CADPS: variants seen among roughly 807,000 people sequenced by gnomAD.
CADPS encodes calcium dependent secretion activator.
A neutral mutation model predicts 167.3 loss-of-function variants in CADPS; 57 were observed. That is an observed-to-expected ratio of 0.34 (90% CI 0.28 to 0.42). CADPS has a LOEUF of 0.42. Ranked by LOEUF, CADPS falls within the 20% of genes least tolerant of loss-of-function variation. The pLI, the probability that CADPS is intolerant of heterozygous loss-of-function variation, is 1.00. For missense variants in CADPS, 1,414 were observed against 1,738.1 expected (o/e 0.81, Z 3.32); for synonymous variants, 676 against 635.3 (o/e 1.06, Z -0.96).
intron 6 of CADPS, chr3:62,626,508 G>T: frequency 2.8e-6 from 2 of 702,652 alleles, no homozygotes; most frequent in Non-Finnish European, 5.2e-6. Context: ...GATTTGACAT[G>T]GCACAAAGAC....
At chr3:62,853,978 A>G (rs1011369642) in intron 1 of CADPS, among the ~76,000 whole-genome samples, 2 of 152,134 alleles carry the variant, frequency 1.3e-5, no homozygotes, top group African/African-American at 4.8e-5. Flanking sequence ...AAATAAATAA[A>G]TAATACATGA....
At chr3:62,765,318 T>C (rs2086561371) in intron 2 of CADPS, among the ~76,000 whole-genome samples, 1 of 152,164 alleles carries the variant, frequency 6.6e-6, no homozygotes. Flanking sequence ...TCAGAACATA[T>C]TCTCTCTTTT....
At chr3:62,411,035 T>C (rs1430878542) in intron 28 of CADPS, among the ~76,000 whole-genome samples, 1 of 151,942 alleles carries the variant, frequency 6.6e-6, no homozygotes, top group Non-Finnish European at 1.5e-5. Flanking sequence ...AGCCCAGGGG[T>C]TTGGGGTTCC....
intron 24 of CADPS, chr3:62,467,371 T>C (rs1172938968): frequency 1.0e-6 from 1 of 986,480 alleles, no homozygotes; most frequent in Non-Finnish European, 1.3e-6. Flanking sequence ...AAATACAAAT[T>C]AGGACAAAAG....
chr3:62,546,631 G>A (rs1274495045), intron 11 of CADPS, among the ~76,000 whole-genome samples: 1 of 152,138 alleles, frequency 6.6e-6, no homozygotes, highest in Non-Finnish European at 1.5e-5. Context: ...GCGGTGGATT[G>A]AAAATATTCA....
intron 18 of CADPS, 112 bp downstream of exon 18, chr3:62,499,050 A>G (rs992655144): frequency 1.7e-6 from 1 of 603,534 alleles, no homozygotes; most frequent in Admixed American, 2.8e-5. Flanking sequence ...TTGCAATCCC[A>G]GTTAAAAGAA....
At chr3:62,675,996 G>A (rs999912101) in intron 3 of CADPS, among the ~76,000 whole-genome samples, 3 of 151,850 alleles carry the variant, frequency 2.0e-5, no homozygotes, top group Non-Finnish European at 2.9e-5. Context: ...GAACAAAAAC[G>A]TATGCAGGAA....
Position 62,502,561 on chromosome 3 carries a change from T to A in CADPS, c.2600-3293A>T, listed in dbSNP as rs58613624. Among the ~76,000 whole-genome samples, 355 of 152,172 alleles carry A rather than the reference T, an allele frequency of 2.3e-3. 1 individual carries two copies. Among genetic ancestry groups the A allele is most frequent in the African/African-American group, 7.9e-3 (327 of 41,444 alleles). ...ATGTCAGACATAGCTAGACAAAAAA[T>A]ATGTGGACATTTGGAAATAAATGCT... On this transcript the variant is annotated intron_variant, in intron 17 of 29. Coordinates refer to ENST00000383710, the MANE Select transcript of CADPS (RefSeq NM_003716.4).
In CADPS at chr3:62,453,264, T is replaced by A. The variant is rs1169193254; in HGVS notation, c.3637-7467A>T. 5.3e-5 allele frequency among the ~76,000 whole-genome samples: 8 copies of A among 152,160 alleles called. No homozygotes were observed. The East Asian group carries it at 5.8e-4, about 11-fold the overall frequency. ...ACTAGGACAGAGAGCTGTGTTTTTT[T>A]AAAAAAAATTATGAATGTTTCTGTA... On this transcript the variant is annotated intron_variant, in intron 26 of 29. Coordinates refer to ENST00000383710, the MANE Select transcript of CADPS (RefSeq NM_003716.4).
chr3:62,657,496 C>G (rs1026422137), intron 4 of CADPS, among the ~76,000 whole-genome samples: 8 of 152,152 alleles, frequency 5.3e-5, no homozygotes, highest in African/African-American at 1.9e-4. Flanking sequence ...TTTGATCACA[C>G]AATTTAAATA....
At chr3:62,454,924 C>G (rs1241907510) in intron 26 of CADPS, among the ~76,000 whole-genome samples, 1 of 152,126 alleles carries the variant, frequency 6.6e-6, no homozygotes, top group Non-Finnish European at 1.5e-5. Flanking sequence ...AAGTCCCTAC[C>G]TTTTATTAAA....
intron 3 of CADPS, among the ~76,000 whole-genome samples, chr3:62,663,005 T>C (rs1208254313): frequency 6.6e-6 from 1 of 152,198 alleles, no homozygotes; most frequent in Non-Finnish European, 1.5e-5. Flanking sequence ...CACCCAGGCA[T>C]AAATAAGCCT....
intron 6 of CADPS, among the ~76,000 whole-genome samples, chr3:62,610,115 A>G (rs949510317): frequency 3.9e-5 from 6 of 152,066 alleles, no homozygotes; most frequent in African/African-American, 1.4e-4. Context: ...CACACCAGAA[A>G]AAAAAACAAC....
chr3:62,516,257 T>G, intron 15 of CADPS, 75 bp from the exon 16 acceptor site: 1 of 1,555,816 alleles, frequency 6.4e-7, no homozygotes, highest in Admixed American at 1.7e-5. Flanking sequence ...CTTAGAAGCG[T>G]GAAAGTTTAA....
At chr3:62,852,390 C>G (rs558729784) in intron 1 of CADPS, among the ~76,000 whole-genome samples, 4 of 152,060 alleles carry the variant, frequency 2.6e-5, no homozygotes, top group Non-Finnish European at 5.9e-5. Flanking sequence ...AGCTGTAGAC[C>G]GGAGCTGTTC....
intron 6 of CADPS, among the ~76,000 whole-genome samples, chr3:62,594,351 C>T (rs1319315164): frequency 6.6e-6 from 1 of 151,508 alleles, no homozygotes; most frequent in East Asian, 1.9e-4. Context: ...TTAGTAGAGA[C>T]GCGGTTTCAC....
At chr3:62,671,008 C>T (rs1364715764) in intron 3 of CADPS, among the ~76,000 whole-genome samples, 1 of 152,208 alleles carries the variant, frequency 6.6e-6, no homozygotes, top group Non-Finnish European at 1.5e-5. Context: ...ACAGTCAGAT[C>T]TGGCTTCACA....
intron 6 of CADPS, among the ~76,000 whole-genome samples, chr3:62,599,746 ATC>A (rs1361828474): frequency 3.4e-4 from 7 of 20,512 alleles, no homozygotes; most frequent in East Asian, 3.5e-3. Context: ...AATATATATA[ATC>A]TATTATATAT....
chr3:62,829,053 T>G (rs1310886112), intron 1 of CADPS, among the ~76,000 whole-genome samples: 4 of 152,210 alleles, frequency 2.6e-5, no homozygotes, highest in Middle Eastern at 3.4e-3. Context: ...AGTTTCAGGA[T>G]TAATAAAAAT....
Sources: allele counts gnomAD v4.1 joint callset (sites outside exome capture counted in the v4.1 genomes callset), GRCh38; gene constraint gnomAD v4.1.1; transcripts MANE v1.5; gene names NCBI Gene and HGNC (gene_info 2026-07-23, HGNC 2026-07-21).